The following SLC39A14 variants were observed in gnomAD, a reference collection of about 807,000 sequenced individuals.
SLC39A14 encodes solute carrier family 39 member 14.
SLC39A14 carries 19 observed loss-of-function variants against 45.5 expected under a neutral mutation model. The ratio of observed to expected loss-of-function variants is 0.42; its 90% CI spans 0.29 to 0.61. The LOEUF (loss-of-function observed/expected upper bound fraction) is 0.61, where lower values mean the gene tolerates loss of function less well. Ranked by LOEUF, SLC39A14 falls within the 20% of genes least tolerant of loss-of-function variation. SLC39A14 has a pLI of 0.22. For synonymous variants in SLC39A14, 264 were observed against 251.3 expected, an observed-to-expected ratio of 1.05 and a Z score of -0.48; for missense variants, 447 against 616.5, an observed-to-expected ratio of 0.73 and a Z score of 2.91.
At chr8:22,402,497 C>T (rs985714560) in intron 1 of SLC39A14, among the ~76,000 whole-genome samples, 10 of 152,190 alleles carry the variant, frequency 6.6e-5, no homozygotes, top group African/African-American at 2.2e-4. Context: ...TGGCCGGGCA[C>T]GGTGGCATAC....
chr8:22,431,367 C>T (rs1422282282), intron 8 of SLC39A14, among the ~76,000 whole-genome samples: 7 of 152,250 alleles, frequency 4.6e-5, no homozygotes, highest in African/African-American at 1.2e-4. Flanking sequence ...TAGAAATGCT[C>T]ATTTTACTAT....
intron 1 of SLC39A14, among the ~76,000 whole-genome samples, chr8:22,373,765 G>GT (rs10690749): frequency 0.076 from 10,559 of 138,948 alleles, 467 homozygotes; most frequent in South Asian, 0.18. Flanking sequence ...TTGTTTTCTC[G>GT]TTTTTTTTTT....
chr8:22,399,064 TC>T (rs1433076610), intron 1 of SLC39A14, among the ~76,000 whole-genome samples: 1 of 152,086 alleles, frequency 6.6e-6, no homozygotes, highest in Non-Finnish European at 1.5e-5. Flanking sequence ...ACAGCACACT[TC>T]GTTTTGTCTC....
At chr8:22,410,092 G>T (rs766988652) in intron 3 of SLC39A14, 19 of 1,613,984 alleles carry the variant, frequency 1.2e-5, no homozygotes, top group Non-Finnish European at 1.5e-5. Flanking sequence ...GCTGTCTAAC[G>T]CGCTATTCCA....
chr8:22,375,546 C>CA (rs1479980599), intron 1 of SLC39A14, among the ~76,000 whole-genome samples: 1 of 151,698 alleles, frequency 6.6e-6, no homozygotes, highest in Non-Finnish European at 1.5e-5. Flanking sequence ...AGTGCAGTGG[C>CA]ACAATCTCGG....
chr8:22,402,969 T>TTTGC (rs1166065026), intron 1 of SLC39A14, among the ~76,000 whole-genome samples: 4 of 151,462 alleles, frequency 2.6e-5, no homozygotes, highest in African/African-American at 9.7e-5. Flanking sequence ...AGTTATGGTG[T>TTTGC]TTGTTTGTTT....
rs1835777158 is a variant in SLC39A14 at position 22,414,812 on chromosome 8, T to C, written c.660T>C (p.Tyr220=). ...AFGFNPLEDY[Y]VSKSAVVFGG... is the part of the protein sequence containing the mutation. ...GTTTCAACCCTCTGGAAGATTATTA[T>C]GTCTCCAAGTCTGCAGTGGTGTTTG... Residue 220 remains tyrosine, a synonymous_variant, in exon 5 of 9, where the codon TAT becomes TAC. Transcript: ENST00000381237. 4 of 1,611,506 alleles carry C rather than the reference T, an allele frequency of 2.5e-6. No homozygotes were observed. The highest frequency in any genetic ancestry group is 2.5e-6 in the Non-Finnish European group (3 of 1,179,592).
downstream of SLC39A14, among the ~76,000 whole-genome samples, chr8:22,426,900 G>C (rs1273976528): frequency 6.6e-6 from 1 of 151,928 alleles, no homozygotes; most frequent in Non-Finnish European, 1.5e-5. Context: ...GGCCAGGCTG[G>C]TCTTGAATTC....
In SLC39A14 at chr8:22,367,623, T is replaced by A. The variant is rs1227768221; in HGVS notation, c.-16+215T>A. ...GAGGTCAAGGCGCGGCCTGTCCGCC[T>A]GGAGGGTGCGGGATGCTAGAGCCGC... On this transcript the variant is annotated intron_variant, in intron 1 of 8. Transcript: ENST00000381237. The surrounding 1 kb of genome is among the most constrained non-coding windows in gnomAD (Gnocchi z 4.2). 3 of 152,228 alleles carry A rather than the reference T, an allele frequency of 2.0e-5. No individual in the cohort carries two copies. The highest frequency in any genetic ancestry group is 7.2e-5 in the African/African-American group (3 of 41,442). The allele number at this position is 152,228 out of a possible 1,614,324, so 9.4% of individuals were successfully genotyped here. A position where few individuals can be genotyped will look rare whatever the true frequency, so the allele number is the denominator to read the frequency against.
At chr8:22,414,628 T>C (rs751471266) in intron 4 of SLC39A14, 152 bp from the exon 5 acceptor site, 6 of 748,098 alleles carry the variant, frequency 8.0e-6, no homozygotes, top group Non-Finnish European at 6.2e-6. Context: ...AAGGACTAGA[T>C]TTTTGCTGGA....
At chr8:22,391,718 C>T (rs988853880) in intron 1 of SLC39A14, among the ~76,000 whole-genome samples, 1 of 152,070 alleles carries the variant, frequency 6.6e-6, no homozygotes, top group Non-Finnish European at 1.5e-5. Flanking sequence ...TACAGGTACC[C>T]GCCACCATGC....
At position 22,421,615 on chromosome 8, in the gene SLC39A14, C is replaced by G. The variant is rs777322990; in HGVS notation, c.*1917C>G. 86 of 985,488 alleles carry G rather than the reference C, an allele frequency of 8.7e-5. No homozygotes were observed. The highest frequency in any genetic ancestry group is 1.0e-4 in the Non-Finnish European group (83 of 829,860). 61.0% of individuals were successfully genotyped at this position (985,488 alleles called of 1,614,324 possible). A position where few individuals can be genotyped will look rare whatever the true frequency, so the allele number is the denominator to read the frequency against. On this transcript the variant is annotated 3_prime_UTR_variant, in exon 9 of 9. Coordinates refer to ENST00000381237, the MANE Select transcript of SLC39A14 (RefSeq NM_001128431.4). Reference sequence around the variant, plus strand: ...TCTTTGTCTTTTCTGTTTTATTTTTCTCAAGCTGCTTTCAGGAGCTAGCAG... The same window carrying G: ...TCTTTGTCTTTTCTGTTTTATTTTTGTCAAGCTGCTTTCAGGAGCTAGCAG...
In SLC39A14 at chr8:22,420,333, T is replaced by A; in HGVS notation, c.*635T>A. On this transcript the variant is annotated 3_prime_UTR_variant, in exon 9 of 9. Coordinates refer to ENST00000381237, the MANE Select transcript of SLC39A14 (RefSeq NM_001128431.4). ...ACTGCTGTGTGTCTTGTCAGGATGC[T>A]CACTTGTTCCTACTGAGATGCTGGA... The A allele has an allele frequency of 1.0e-6, 1 of 985,466 alleles. No individual in the cohort carries two copies. The highest frequency in any genetic ancestry group is 1.2e-6 in the Non-Finnish European group (1 of 829,958). 61.0% of individuals were successfully genotyped at this position (985,466 alleles called of 1,614,324 possible).
Position 22,428,441 on chromosome 8 carries a change from C to CTT in SLC39A14, c.1333-5432_1333-5431dup, listed in dbSNP as rs59846887. Among the ~76,000 whole-genome samples the CTT allele has an allele frequency of 5.4e-3, 623 of 116,402 alleles. 11 individuals are homozygous for CTT. The highest frequency in any genetic ancestry group is 0.02 in the South Asian group (68 of 3,348). 76.4% of individuals were successfully genotyped at this position (116,402 alleles called of 152,430 possible). A position where few individuals can be genotyped will look rare whatever the true frequency, so the allele number is the denominator to read the frequency against. On this transcript the variant is annotated intron_variant, in intron 8 of 8. Coordinates refer to the SLC39A14 transcript ENST00000240095. ...TTTTGTGTTCCTCGGTTCATATGTTCTTTTTTTTTTTTTTTTTTTGAGACT... is the reference window on the plus strand; with the variant it reads ...TTTTGTGTTCCTCGGTTCATATGTTCTTTTTTTTTTTTTTTTTTTTTGAGACT...
At chr8:22,369,207 G>A (rs1192861681) in intron 1 of SLC39A14, among the ~76,000 whole-genome samples, 1 of 152,072 alleles carries the variant, frequency 6.6e-6, no homozygotes, top group Non-Finnish European at 1.5e-5. Flanking sequence ...CTTCCCAAAG[G>A]GCCAGGCCAA....
chr8:22,386,392 G>A (rs1248021016), intron 1 of SLC39A14, among the ~76,000 whole-genome samples: 2 of 150,942 alleles, frequency 1.3e-5, no homozygotes, highest in African/African-American at 2.4e-5. Context: ...TCAGCCTCCC[G>A]AGTAGCTGTG....
chr8:22,429,473 A>G (rs1483412086), intron 8 of SLC39A14, among the ~76,000 whole-genome samples: 1 of 152,148 alleles, frequency 6.6e-6, no homozygotes, highest in Non-Finnish European at 1.5e-5. Context: ...AATATGCAAA[A>G]TGTTTTAGAA....
At chr8:22,379,580 C>G (rs1833389829) in intron 1 of SLC39A14, 1 of 152,236 alleles carries the variant, frequency 6.6e-6, no homozygotes, top group East Asian at 1.9e-4. Context: ...GTACAGTCAG[C>G]TCGCAGTCTC....
rs908032329 is a variant in SLC39A14 at position 22,419,532 on chromosome 8, G to C, written c.1333-20G>C. 1 of 1,605,092 alleles carries C rather than the reference G, an allele frequency of 6.2e-7. No individual in the cohort carries two copies. Among genetic ancestry groups the C allele is most frequent in the Non-Finnish European group, 8.5e-7 (1 of 1,175,572 alleles). ...ATGAAGAAGGAATTGCAGCTGTGTT[G>C]TTTCTTGCTTCTTTCCCAGTTCCCT... On this transcript the variant is annotated intron_variant, in intron 8 of 8. Transcript: ENST00000381237.
Sources: allele counts gnomAD v4.1 joint callset (sites outside exome capture counted in the v4.1 genomes callset), GRCh38; gene constraint gnomAD v4.1.1; non-coding constraint Gnocchi (gnomAD v3.1); transcripts MANE v1.5; gene names NCBI Gene and HGNC (gene_info 2026-07-23, HGNC 2026-07-21).